Variants in BLOC1S5 observed in about 807,000 individuals in gnomAD.
BLOC1S5 encodes the protein biogenesis of lysosome-related organelles complex 1 subunit 5.
Under a neutral mutation model 24.3 loss-of-function variants are expected in BLOC1S5, and 27 were observed. That is an observed-to-expected ratio of 1.11 (90% CI 0.82 to 1.53). The LOEUF is 1.53. Ranked by LOEUF, BLOC1S5 falls within the 40% of genes most tolerant of loss-of-function variation. BLOC1S5 has a pLI of 0.00. For synonymous variants in BLOC1S5, 84 were observed against 74.5 expected (o/e 1.13, Z -0.66); for missense variants, 239 against 229.4 (o/e 1.04, Z -0.27).
chr6:8,031,866 A>T (rs566008674), intron 3 of BLOC1S5, among the ~76,000 whole-genome samples: 78 of 152,292 alleles, frequency 5.1e-4, no homozygotes, highest in Middle Eastern at 3.4e-3. Flanking sequence ...CATAAACTAG[A>T]GAAAGGACAC....
At chr6:8,044,444 A>G (rs925066867) in intron 2 of BLOC1S5, among the ~76,000 whole-genome samples, 1 of 152,066 alleles carries the variant, frequency 6.6e-6, no homozygotes, top group Admixed American at 6.6e-5. Context: ...AATACAGTAA[A>G]TTGGTACCAG....
At chr6:8,016,570 G>A (rs1046774422) in intron 4 of BLOC1S5, among the ~76,000 whole-genome samples, 1 of 151,986 alleles carries the variant, frequency 6.6e-6, no homozygotes, top group Non-Finnish European at 1.5e-5. Context: ...AAGAGAACTC[G>A]AGAAATCTCT....
At position 8,015,546 on chromosome 6, in the gene BLOC1S5, T is replaced by C; in HGVS notation, c.*103A>G. 1 of 1,173,840 alleles carries C rather than the reference T, an allele frequency of 8.5e-7. No individual in the cohort carries two copies. The highest frequency in any genetic ancestry group is 1.2e-6 in the Non-Finnish European group (1 of 838,052). The allele number at this position is 1,173,840 out of a possible 1,614,324, so 72.7% of individuals were successfully genotyped here. The stretch of plus-strand genomic sequence containing the variant: ...TCTGATATAAGAGTGCCACTGAATA[T>C]ATTGCTAAGCTTGAAGCAGAGGCTA... On this transcript the variant is annotated 3_prime_UTR_variant, in exon 5 of 5. Coordinates refer to ENST00000397457, the MANE Select transcript of BLOC1S5 (RefSeq NM_201280.3).
chr6:8,046,964 T>G (rs1372172721), intron 2 of BLOC1S5, among the ~76,000 whole-genome samples: 2 of 151,836 alleles, frequency 1.3e-5, no homozygotes, highest in East Asian at 3.9e-4. Context: ...AAAAATTTTT[T>G]GTAGAGACAG....
intron 3 of BLOC1S5, among the ~76,000 whole-genome samples, chr6:8,032,279 T>C (rs564439168): frequency 4.0e-4 from 60 of 151,860 alleles, no homozygotes; most frequent in African/African-American, 1.4e-3. Context: ...AGAAAAACAA[T>C]GCCATCAAAA....
At chr6:8,064,190 C>T (rs1757366981) in intron 1 of BLOC1S5, 75 bp downstream of exon 1, 9 of 1,316,974 alleles carry the variant, frequency 6.8e-6, no homozygotes, top group Non-Finnish European at 8.2e-6. Flanking sequence ...GGGGTCGGCC[C>T]GGGTCAGAGG....
intron 2 of BLOC1S5, among the ~76,000 whole-genome samples, chr6:8,048,741 G>A (rs930235044): frequency 1.3e-5 from 2 of 152,126 alleles, no homozygotes; most frequent in Middle Eastern, 3.2e-3. Flanking sequence ...GGCTGGGCAC[G>A]GTGGCTCACG....
rs764780126 is a variant in BLOC1S5, at chr6:8,026,427, T to G, written c.326-2A>C. On this transcript the variant is annotated splice_acceptor_variant, in intron 3 of 4. Transcript: ENST00000397457. LOFTEE classifies it high-confidence loss of function. Reference sequence around the variant, plus strand: ...AGACTGAGTCATTAGCTGCTTGCACTGAAATGAAAAAGACATGGGTTTTCA... The same window carrying G: ...AGACTGAGTCATTAGCTGCTTGCACGGAAATGAAAAAGACATGGGTTTTCA... 17 of 1,612,782 alleles carry G rather than the reference T, an allele frequency of 1.1e-5. No homozygotes were observed. The highest frequency in any genetic ancestry group is 1.4e-5 in the Non-Finnish European group (16 of 1,179,438).
intron 2 of BLOC1S5, among the ~76,000 whole-genome samples, chr6:8,046,590 A>G (rs1015883773): frequency 6.6e-6 from 1 of 152,168 alleles, no homozygotes; most frequent in Non-Finnish European, 1.5e-5. Flanking sequence ...AACTTATACA[A>G]AAGTTGTGAG....
chr6:8,019,243 G>C (rs1437487825), intron 4 of BLOC1S5, among the ~76,000 whole-genome samples: 1 of 149,988 alleles, frequency 6.7e-6, no homozygotes, highest in Admixed American at 6.7e-5. Context: ...TTTCCCACTT[G>C]TAATAGTAAC....
At chr6:8,031,555 A>G (rs1763298805) in intron 3 of BLOC1S5, among the ~76,000 whole-genome samples, 1 of 152,222 alleles carries the variant, frequency 6.6e-6, no homozygotes, top group African/African-American at 2.4e-5. Flanking sequence ...AAAGCAATCT[A>G]CAAATTCAAT....
At chr6:8,047,873 T>C (rs9379157) in intron 2 of BLOC1S5, among the ~76,000 whole-genome samples, 9,377 of 152,278 alleles carry the variant, frequency 0.062, 473 homozygotes, top group East Asian at 0.18. Flanking sequence ...GCAGAAATAC[T>C]CTATGAGGAG....
chr6:8,021,734 A>G (rs1762922660), intron 4 of BLOC1S5, among the ~76,000 whole-genome samples: 1 of 150,496 alleles, frequency 6.6e-6, no homozygotes, highest in Non-Finnish European at 1.5e-5. Context: ...TAAATGTTAT[A>G]TTATATGAAT....
intron 1 of BLOC1S5, 87 bp downstream of exon 1, chr6:8,064,178 C>T (rs1010813875): frequency 2.5e-6 from 3 of 1,178,120 alleles, no homozygotes; most frequent in African/African-American, 3.2e-5. Flanking sequence ...GCCCGGGACC[C>T]GGGGGTCGGC....
intron 2 of BLOC1S5, among the ~76,000 whole-genome samples, chr6:8,045,474 G>T (rs1039760727): frequency 2.0e-5 from 3 of 152,036 alleles, no homozygotes; most frequent in African/African-American, 7.2e-5. Context: ...GGAGTTGTGG[G>T]AAGAGGACCA....
At chr6:8,025,141 A>G (rs1763062737) in intron 4 of BLOC1S5, among the ~76,000 whole-genome samples, 2 of 152,222 alleles carry the variant, frequency 1.3e-5, no homozygotes, top group Admixed American at 1.3e-4. Context: ...AGTTCTTAGT[A>G]ATGATCATAG....
Position 8,026,415 on chromosome 6 carries a change from A to G in BLOC1S5, c.336T>C (p.Ala112=). ...LSQVLQRLQA[A]NDSVCRLQQR... ...GTTGGAGTCTACAGACTGAGTCATT[A>G]GCTGCTTGCACTGAAATGAAAAAGA... Residue 112 remains alanine (A), a synonymous_variant, in exon 4 of 5, where the codon GCT becomes GCC. Transcript: ENST00000397457. 1 of 1,613,430 alleles carries G rather than the reference A, an allele frequency of 6.2e-7. No homozygotes were observed.
rs1283334088 is a variant in BLOC1S5, at chr6:8,041,472, C to G, written c.196-204G>C. Among the ~76,000 whole-genome samples the G allele has an allele frequency of 2.0e-5, 3 of 151,506 alleles. No homozygotes were observed. The East Asian group carries it at 5.9e-4, about 30-fold the overall frequency. On this transcript the variant is annotated intron_variant, in intron 2 of 4. Transcript: ENST00000397457. ...GGACTACAGGCTCCCGCCATCACATCCAGCTAATTTTTTGTGTTTTTAGTA... is the reference window on the plus strand; with the variant it reads ...GGACTACAGGCTCCCGCCATCACATGCAGCTAATTTTTTGTGTTTTTAGTA...
chr6:8,059,496 G>T (rs1435084902), intron 2 of BLOC1S5, among the ~76,000 whole-genome samples: 1 of 152,192 alleles, frequency 6.6e-6, no homozygotes, highest in Non-Finnish European at 1.5e-5. Flanking sequence ...ATACAGAAAA[G>T]ATGAAACTTC....
Sources: allele counts gnomAD v4.1 joint callset (sites outside exome capture counted in the v4.1 genomes callset), GRCh38; gene constraint gnomAD v4.1.1; transcripts MANE v1.5; gene names NCBI Gene and HGNC (gene_info 2026-07-23, HGNC 2026-07-21).